The following KLHL15 variants were observed in gnomAD, a reference collection of about 807,000 sequenced individuals.
KLHL15 encodes the protein kelch-like protein 15.
In KLHL15, 1 loss-of-function variant was observed where a neutral mutation model predicts 29.3. The observed-to-expected ratio is 0.03, with a 90% CI of 0.01 to 0.16. The LOEUF is 0.16. Ranked by LOEUF, KLHL15 falls within the 10% of genes least tolerant of loss-of-function variation. The pLI, the probability that KLHL15 is intolerant of heterozygous loss-of-function variation, is 1.00. For missense variants in KLHL15, 215 were observed against 478.5 expected, an observed-to-expected ratio of 0.45 and a Z score of 5.14; for synonymous variants, 212 against 184.5, an observed-to-expected ratio of 1.15 and a Z score of -1.21.
intron 2 of KLHL15, among the ~76,000 whole-genome samples, chrX:24,009,542 G>A (rs1217864094): frequency 9.3e-6 from 1 of 107,434 alleles, no homozygotes; most frequent in Non-Finnish European, 1.9e-5. Context: ...AAAATTAGCC[G>A]CACATGGTAG....
At chrX:24,025,866 G>A (rs1221809999) in intron 1 of KLHL15, among the ~76,000 whole-genome samples, 2 of 108,505 alleles carry the variant, frequency 1.8e-5, no homozygotes, top group East Asian at 6.5e-4. Flanking sequence ...AGCTTCCCCC[G>A]CGGCGCCGCC....
At chrX:24,003,516 G>A (rs919477532) in intron 3 of KLHL15, among the ~76,000 whole-genome samples, 6 of 103,847 alleles carry the variant, frequency 5.8e-5, no homozygotes, top group Admixed American at 1.1e-4. Context: ...TCGTGCCACC[G>A]CACTCCAGCC....
intron 2 of KLHL15, 44 bp from the exon 3 acceptor site, chrX:24,006,744 T>C: frequency 2.1e-6 from 2 of 969,341 alleles, no homozygotes; most frequent in Non-Finnish European, 2.8e-6. Context: ...CTTCCATGCA[T>C]TCAGAAGAAA....
At chrX:24,007,967 G>A (rs1261337992) in intron 2 of KLHL15, among the ~76,000 whole-genome samples, 1 of 109,599 alleles carries the variant, frequency 9.1e-6, no homozygotes, top group Admixed American at 9.8e-5. Flanking sequence ...GTACGTCTTC[G>A]AAAACTAAAT....
chrX:24,016,636 C>T (rs1929691682), intron 2 of KLHL15, among the ~76,000 whole-genome samples: 1 of 108,896 alleles, frequency 9.2e-6, no homozygotes, highest in African/African-American at 3.3e-5. Flanking sequence ...CACTGCACTC[C>T]AGCCTGGGCA....
At chrX:24,016,993 A>G (rs1221290676) in intron 2 of KLHL15, among the ~76,000 whole-genome samples, 1 of 110,769 alleles carries the variant, frequency 9.0e-6, no homozygotes, top group Non-Finnish European at 1.9e-5. Context: ...TCATAGAACT[A>G]GTAGCTAGAA....
chrX:24,008,211 TAG>T (rs994371894), intron 2 of KLHL15, among the ~76,000 whole-genome samples: 6 of 112,234 alleles, frequency 5.3e-5, no homozygotes, highest in African/African-American at 1.9e-4. Flanking sequence ...GAACTATAAT[TAG>T]ATATCTTAAA....
At chrX:24,007,412 G>C (rs1341837353) in intron 2 of KLHL15, among the ~76,000 whole-genome samples, 1 of 101,061 alleles carries the variant, frequency 9.9e-6, no homozygotes, top group Non-Finnish European at 2.0e-5. Flanking sequence ...AGAATCGCTT[G>C]AACTCGGGAG....
At chrX:24,023,869 T>C (rs931655740) in intron 2 of KLHL15, among the ~76,000 whole-genome samples, 3 of 112,446 alleles carry the variant, frequency 2.7e-5, no homozygotes, top group Admixed American at 9.5e-5. Flanking sequence ...CATGAATGCA[T>C]TGATAAGCTC....
intron 2 of KLHL15, among the ~76,000 whole-genome samples, chrX:24,021,059 A>T (rs1339679183): frequency 8.9e-6 from 1 of 112,040 alleles, no homozygotes; most frequent in African/African-American, 3.2e-5. Context: ...AAAACCTGAC[A>T]ACATATTTTG....
At chrX:24,018,343 C>T (rs1417484919) in intron 2 of KLHL15, among the ~76,000 whole-genome samples, 2 of 110,623 alleles carry the variant, frequency 1.8e-5, no homozygotes, top group Non-Finnish European at 1.9e-5. Context: ...CATTTACTGA[C>T]AAAATGTTCA....
Position 23,988,545 on chromosome X carries a change from C to T in KLHL15, c.1191G>A (p.Glu397=). The T allele has an allele frequency of 2.5e-6, 3 of 1,211,866 alleles. No individual in the cohort carries two copies. Among genetic ancestry groups the T allele is most frequent in the Non-Finnish European group, 3.3e-6 (3 of 895,537 alleles). ...ATTTATCGTTGGTGATGTCATATCT[C>T]TCAGTTGAATAGAAAGTCTCATCTC... The part of the protein sequence containing the change: ...RTRDETFYST[E]RYDITNDKWE... Residue 397 remains glutamate (E), a synonymous_variant, in exon 4 of 4, where the codon GAG becomes GAA. Transcript: ENST00000328046.
At chrX:23,998,705 A>T (rs1013577951) in intron 3 of KLHL15, among the ~76,000 whole-genome samples, 1 of 111,962 alleles carries the variant, frequency 8.9e-6, no homozygotes, top group Non-Finnish European at 1.9e-5. Flanking sequence ...AACAATGCTT[A>T]CCTATTACAC....
Position 23,996,795 on chromosome X carries a change from G to A in KLHL15, c.706-7765C>T, listed in dbSNP as rs1929199594. 1.8e-5 allele frequency among the ~76,000 whole-genome samples: 2 copies of A among 112,013 alleles called. 1 individual carries two copies. The highest frequency in any genetic ancestry group is 3.8e-5 in the Non-Finnish European group (2 of 53,215). On this transcript the variant is annotated intron_variant, in intron 3 of 3. Coordinates refer to ENST00000328046, the MANE Select transcript of KLHL15 (RefSeq NM_030624.3). ...ACCCTGGTATGAGAAGTCTTTATTT[G>A]TAAAATCTTGCTCAGAACTAAAGCT...
Position 23,988,403 on chromosome X carries a change from C to T in KLHL15, c.1333G>A (p.Val445Met), listed in dbSNP as rs755741023. ...GTCCCTTCTTTGCTGGGGTCAAACA[C>T]GCACACTTGCTTGGAGGTGGAAGAT... ...TSSSTSKQVC[V>M]FDPSKEGTIE... Residue 445 changes from valine (V) to methionine (M), a missense_variant, in exon 4 of 4, where the codon GTG (valine) becomes ATG (methionine). Coordinates refer to ENST00000328046, the MANE Select transcript of KLHL15 (RefSeq NM_030624.3). The T allele has an allele frequency of 9.9e-6, 12 of 1,210,243 alleles. No homozygotes were observed. In the Admixed American group the frequency reaches 1.8e-4, roughly 18 times the overall value.
intron 2 of KLHL15, among the ~76,000 whole-genome samples, chrX:24,024,528 A>T (rs1166876231): frequency 8.9e-6 from 1 of 111,954 alleles, no homozygotes; most frequent in African/African-American, 3.2e-5. Context: ...TCCTAGTTTT[A>T]TGCCTCGCAT....
intron 3 of KLHL15, among the ~76,000 whole-genome samples, chrX:23,993,112 T>C (rs1440287337): frequency 8.9e-6 from 1 of 112,222 alleles, no homozygotes; most frequent in African/African-American, 3.2e-5. Flanking sequence ...AGAAGAAACT[T>C]AAATCCAAGA....
At position 24,000,414 on chromosome X, in the gene KLHL15, G is replaced by A. The variant is rs189174361; in HGVS notation, c.705+5575C>T. Reference sequence around the variant, plus strand: ...CTTGAACCAGGGAGTTGGAGGTTGCGGTGAGCAGAAATTGTGCCACTGCAC... The same window carrying A: ...CTTGAACCAGGGAGTTGGAGGTTGCAGTGAGCAGAAATTGTGCCACTGCAC... On this transcript the variant is annotated intron_variant, in intron 3 of 3. Transcript: ENST00000328046. Among the ~76,000 whole-genome samples, 15 of 111,156 alleles carry A rather than the reference G, an allele frequency of 1.3e-4. No homozygotes were observed. In the East Asian group the frequency reaches 2.8e-3, roughly 21 times the overall value.
intron 3 of KLHL15, among the ~76,000 whole-genome samples, chrX:24,002,114 C>T (rs1165400807): frequency 1.8e-5 from 2 of 108,261 alleles, no homozygotes; most frequent in African/African-American, 6.9e-5. Context: ...GCCTGGGCAA[C>T]AGAGCGAGAC....
Sources: gnomAD v4.1 joint callset for allele counts (sites outside exome capture counted in the v4.1 genomes callset) on GRCh38, gnomAD v4.1.1 for gene constraint, MANE v1.5 for transcripts, NCBI Gene and HGNC (gene_info 2026-07-23, HGNC 2026-07-21) for gene names.